Variants in DGKB observed in about 807,000 individuals in gnomAD.
DGKB encodes the protein diacylglycerol kinase beta, also known as 90 kDa diacylglycerol kinase.
A neutral mutation model predicts 114.3 loss-of-function variants in DGKB; 67 were observed. The observed-to-expected ratio is 0.59, with a 90% CI of 0.48 to 0.72. The LOEUF is 0.72. DGKB is among the 30% of genes least tolerant of loss of function. The pLI is 0.00. For synonymous variants in DGKB, 398 were observed against 323.1 expected, an observed-to-expected ratio of 1.23 and a Z score of -2.49; for missense variants, 907 against 975.2, an observed-to-expected ratio of 0.93 and a Z score of 0.93.
chr7:14,813,630 C>A (rs1396545188), intron 2 of DGKB, among the ~76,000 whole-genome samples: 2 of 152,074 alleles, frequency 1.3e-5, no homozygotes, highest in African/African-American at 4.8e-5. Flanking sequence ...AACTGTATGC[C>A]ATTTAATAGA....
At chr7:14,215,163 T>C (rs1788750045) in intron 23 of DGKB, among the ~76,000 whole-genome samples, 1 of 152,148 alleles carries the variant, frequency 6.6e-6, no homozygotes, top group South Asian at 2.1e-4. Flanking sequence ...GCCTGGTGGC[T>C]GAGAGATGTA....
chr7:14,898,561 G>A (rs1782480470), intron 1 of DGKB, among the ~76,000 whole-genome samples: 1 of 152,086 alleles, frequency 6.6e-6, no homozygotes. Flanking sequence ...CTCAATGAAA[G>A]TTACTATCAT....
intron 1 of DGKB, among the ~76,000 whole-genome samples, chr7:14,898,595 G>A (rs1782485609): frequency 6.6e-6 from 1 of 152,038 alleles, no homozygotes; most frequent in African/African-American, 2.4e-5. Context: ...GAAGAGGAAG[G>A]GAGCCAATGA....
chr7:14,242,156 G>A (rs1190240006), intron 23 of DGKB, among the ~76,000 whole-genome samples: 1 of 152,128 alleles, frequency 6.6e-6, no homozygotes, highest in Non-Finnish European at 1.5e-5. Context: ...TCCCTGACCT[G>A]CCTACAGGCT....
At chr7:14,340,025 C>T (rs950639169) in intron 22 of DGKB, among the ~76,000 whole-genome samples, 1 of 151,802 alleles carries the variant, frequency 6.6e-6, no homozygotes, top group Admixed American at 6.6e-5. Flanking sequence ...ATCTTGTTCA[C>T]TGAAAAATAA....
intron 1 of DGKB, among the ~76,000 whole-genome samples, chr7:14,878,635 G>A (rs1052008251): frequency 2.0e-5 from 3 of 151,488 alleles, no homozygotes; most frequent in South Asian, 2.1e-4. Context: ...TGTAGTCCCA[G>A]CTACTCGGGA....
At chr7:14,681,795 T>C (rs1820880380) in intron 12 of DGKB, among the ~76,000 whole-genome samples, 1 of 152,094 alleles carries the variant, frequency 6.6e-6, no homozygotes, top group African/African-American at 2.4e-5. Context: ...AAGCTAGATT[T>C]GACAGTCATT....
intron 2 of DGKB, among the ~76,000 whole-genome samples, chr7:14,794,627 T>A (rs1212125586): frequency 2.6e-5 from 4 of 152,098 alleles, no homozygotes; most frequent in Non-Finnish European, 1.5e-5. Context: ...GGACTGAAAT[T>A]GTCAAAAATC....
At chr7:14,845,065 C>T (rs1848449648) in intron 1 of DGKB, among the ~76,000 whole-genome samples, 1 of 128,854 alleles carries the variant, frequency 7.8e-6, no homozygotes, top group African/African-American at 3.0e-5. Context: ...TTTGATTGCA[C>T]CACTGTACTC....
intron 2 of DGKB, among the ~76,000 whole-genome samples, chr7:14,760,607 G>A (rs1441942325): frequency 6.6e-6 from 1 of 151,972 alleles, no homozygotes; most frequent in Non-Finnish European, 1.5e-5. Flanking sequence ...CAGACCCACA[G>A]AGACACACAC....
rs577121090 is a variant in DGKB at position 14,265,036 on chromosome 7, C to T, written c.2122+73479G>A. On this transcript the variant is annotated intron_variant, in intron 23 of 25. Coordinates refer to ENST00000402815, the MANE Select transcript of DGKB (RefSeq NM_001350709.2). ...AGAATCTGTAAGGACTTTAAGTAGACTGTCAGTAAAAGCTGGAGGGACTTC... is the reference window on the plus strand; with the variant it reads ...AGAATCTGTAAGGACTTTAAGTAGATTGTCAGTAAAAGCTGGAGGGACTTC... Among the ~76,000 whole-genome samples, 5 of 152,126 alleles carry T rather than the reference C, an allele frequency of 3.3e-5. No homozygotes were observed. In the East Asian group the frequency reaches 9.7e-4, roughly 29 times the overall value.
intron 2 of DGKB, among the ~76,000 whole-genome samples, chr7:14,790,372 G>A (rs769505589): frequency 1.8e-4 from 28 of 152,042 alleles, no homozygotes; most frequent in Non-Finnish European, 2.5e-4. Context: ...CCTAGCGTTA[G>A]TTCCCAAAGA....
intron 23 of DGKB, chr7:14,191,855 C>G: frequency 2.0e-6 from 1 of 499,780 alleles, no homozygotes. Context: ...ACTGGATTGT[C>G]ACACAGTTCA....
rs758611929 is a variant in DGKB, at chr7:14,262,868, G to C, written c.2122+75647C>G. Among the ~76,000 whole-genome samples, 6 of 152,188 alleles carry C rather than the reference G, an allele frequency of 3.9e-5. No individual in the cohort carries two copies. In the Middle Eastern group the frequency reaches 0.01, roughly 259 times the overall value. On this transcript the variant is annotated intron_variant, in intron 23 of 25. Coordinates refer to ENST00000402815, the MANE Select transcript of DGKB (RefSeq NM_001350709.2). ...TAAACTGAACAAGGGTCATTGCCCAGGGAACCAAGAAAATCAGAAGACGTT... is the reference window on the plus strand; with the variant it reads ...TAAACTGAACAAGGGTCATTGCCCACGGAACCAAGAAAATCAGAAGACGTT...
At chr7:14,661,470 GC>G in intron 13 of DGKB, among the ~76,000 whole-genome samples, 1 of 140,184 alleles carries the variant, frequency 7.1e-6, no homozygotes, top group Non-Finnish European at 1.6e-5. Flanking sequence ...ACCGTCACTG[GC>G]CATCAGAGAA....
chr7:14,314,216 T>C (rs1026488018), intron 23 of DGKB, among the ~76,000 whole-genome samples: 1 of 151,856 alleles, frequency 6.6e-6, no homozygotes, highest in African/African-American at 2.4e-5. Flanking sequence ...ACTCTAAAAA[T>C]CAGAGCGCCT....
intron 23 of DGKB, among the ~76,000 whole-genome samples, chr7:14,203,822 T>C (rs953474938): frequency 6.6e-6 from 1 of 151,972 alleles, no homozygotes; most frequent in African/African-American, 2.4e-5. Context: ...TGGTGACCAT[T>C]GGAAGGATGT....
intron 20 of DGKB, among the ~76,000 whole-genome samples, chr7:14,519,403 T>C (rs1166221728): frequency 6.6e-6 from 1 of 152,120 alleles, no homozygotes; most frequent in Non-Finnish European, 1.5e-5. Context: ...GGTTCTACCA[T>C]GTTATAGCAC....
intron 20 of DGKB, among the ~76,000 whole-genome samples, chr7:14,520,211 T>TTTTTC: frequency 2.5e-5 from 1 of 40,404 alleles, no homozygotes; most frequent in Admixed American, 3.2e-4. Context: ...TTTTTTCCTA[T>TTTTTC]TTTTTTTTTT....
Sources: allele counts gnomAD v4.1 joint callset (sites outside exome capture counted in the v4.1 genomes callset), GRCh38; gene constraint gnomAD v4.1.1; transcripts MANE v1.5; gene names NCBI Gene and HGNC (gene_info 2026-07-23, HGNC 2026-07-21).